PLA2R1: variants seen among roughly 807,000 people sequenced by gnomAD.
The protein encoded by PLA2R1 is phospholipase A2 receptor 1.
In PLA2R1, 158 loss-of-function variants were observed where a neutral mutation model predicts 195.9. The ratio of observed to expected loss-of-function variants is 0.81; its 90% CI spans 0.71 to 0.92. The LOEUF (loss-of-function observed/expected upper bound fraction) is 0.92. PLA2R1 is among the 40% of genes least tolerant of loss of function. The probability of loss-of-function intolerance (pLI) is 0.00; values close to 1 mark genes in which losing one functional copy is unlikely to be tolerated. For missense variants in PLA2R1, 1,626 were observed against 1,764.6 expected (o/e 0.92, Z 1.41); for synonymous variants, 586 against 598.2 (o/e 0.98, Z 0.30).
At chr2:159,990,469 T>C (rs1239558654) in intron 11 of PLA2R1, among the ~76,000 whole-genome samples, 2 of 152,178 alleles carry the variant, frequency 1.3e-5, no homozygotes, top group South Asian at 4.1e-4. Context: ...AACAAACCCA[T>C]TGACCAAAAC....
At chr2:159,930,407 C>CAA (rs11389351), downstream of PLA2R1, among the ~76,000 whole-genome samples, 394 of 115,520 alleles carry the variant, frequency 3.4e-3, no homozygotes, top group East Asian at 0.017. Context: ...GACTCCGTCT[C>CAA]AAAAAAAAAA....
At chr2:160,047,562 T>C (rs976354566) in intron 1 of PLA2R1, among the ~76,000 whole-genome samples, 3 of 152,222 alleles carry the variant, frequency 2.0e-5, no homozygotes, top group African/African-American at 7.2e-5. Flanking sequence ...CGCTATCATC[T>C]TTTATGGAGG....
rs184907347 is a variant in PLA2R1, at chr2:159,998,746, T to C, written c.1834+6906A>G. On this transcript the variant is annotated intron_variant, in intron 11 of 29. Transcript: ENST00000283243. ...AGTTGCCCCATATATTTCCTCCTGC[T>C]GAGAAAATTCTTTTTACTTCTTTAA... 5.1e-3 allele frequency among the ~76,000 whole-genome samples: 777 copies of C among 152,252 alleles called. 5 individuals are homozygous for C. The highest frequency in any genetic ancestry group is 8.1e-3 in the Non-Finnish European group (554 of 68,006).
chr2:160,027,970 T>A (rs1168078981), intron 6 of PLA2R1, among the ~76,000 whole-genome samples: 2 of 152,228 alleles, frequency 1.3e-5, no homozygotes, highest in Non-Finnish European at 2.9e-5. Flanking sequence ...GCAAATTTTT[T>A]AAAAGAGAAG....
At chr2:160,000,393 A>T (rs116366652) in intron 11 of PLA2R1, among the ~76,000 whole-genome samples, 10,563 of 152,274 alleles carry the variant, frequency 0.069, 529 homozygotes, top group Non-Finnish European at 0.11. Context: ...TATGTGTTCA[A>T]GAAAACCTCA....
intron 20 of PLA2R1, 109 bp downstream of exon 20, chr2:159,967,430 T>A: frequency 1.2e-6 from 1 of 801,276 alleles, no homozygotes; most frequent in Non-Finnish European, 1.9e-6. Context: ...AAATTCCAGG[T>A]CCTATGGACA....
intron 10 of PLA2R1, among the ~76,000 whole-genome samples, chr2:160,009,547 T>C (rs1187926788): frequency 2.6e-5 from 4 of 152,158 alleles, no homozygotes; most frequent in Non-Finnish European, 4.4e-5. Context: ...AATAGGCAGC[T>C]ATTGTTTAAT....
At position 160,062,471 on chromosome 2, in the gene PLA2R1, C is replaced by T. The variant is rs557730843; in HGVS notation, c.-68G>A. The T allele has an allele frequency of 1.9e-5, 27 of 1,458,624 alleles. No homozygotes were observed. The highest frequency in any genetic ancestry group is 4.9e-4 in the Middle Eastern group (2 of 4,122). 90.4% of individuals were successfully genotyped at this position (1,458,624 alleles called of 1,614,324 possible). A position where few individuals can be genotyped will look rare whatever the true frequency, so the allele number is the denominator to read the frequency against. On this transcript the variant is annotated 5_prime_UTR_variant, in exon 1 of 30. Coordinates refer to ENST00000283243, the MANE Select transcript of PLA2R1 (RefSeq NM_007366.5). ...CCCTTATCCCGGGAGCCCAGAGCCG[C>T]GTCCCAAGCACCCGGCCCCGCCGCG...
At position 159,958,851 on chromosome 2, in the gene PLA2R1, AAAAG is replaced by A. The variant is rs745608975; in HGVS notation, c.2905-2228_2905-2225del. Among the ~76,000 whole-genome samples the A allele has an allele frequency of 2.4e-4, 37 of 152,330 alleles. No individual in the cohort carries two copies. The East Asian group carries it at 4.2e-3, about 17-fold the overall frequency. On this transcript the variant is annotated intron_variant, in intron 20 of 29. Transcript: ENST00000283243. Reference sequence around the variant, plus strand: ...AAAGCACAGGTCAGGTCAGTCTTTCAAAAGAAAGAATTATCTGACCCCAAATGTC... The same window carrying A: ...AAAGCACAGGTCAGGTCAGTCTTTCAAAAGAATTATCTGACCCCAAATGTC...
At position 159,955,269 on chromosome 2, in the gene PLA2R1, A is replaced by G; in HGVS notation, c.3231T>C (p.His1077=). Residue 1077 remains histidine (H), a synonymous_variant, in exon 23 of 30, where the codon CAT becomes CAC. Coordinates refer to ENST00000283243, the MANE Select transcript of PLA2R1 (RefSeq NM_007366.5). ...CTTCAAAATACCATTTTCCAGTGAA[A>G]TGAAAATTAGGATTACTTGAGAGTA... ...CALLSSNPNF[H]FTGKWYFEDC... is the part of the protein sequence containing the mutation. The G allele has an allele frequency of 3.1e-6, 5 of 1,608,880 alleles. No homozygotes were observed. The highest frequency in any genetic ancestry group is 4.3e-6 in the Non-Finnish European group (5 of 1,175,526).
In PLA2R1 at chr2:159,933,663, C is replaced by T. The variant is rs970681454; in HGVS notation, c.*8115G>A. 2.0e-5 allele frequency: 3 copies of T among 152,166 alleles called. No individual in the cohort carries two copies. The highest frequency in any genetic ancestry group is 6.5e-5 in the Admixed American group (1 of 15,276). The allele number at this position is 152,166 out of a possible 1,614,324, so 9.4% of individuals were successfully genotyped here. On this transcript the variant is annotated 3_prime_UTR_variant, in exon 30 of 30. Coordinates refer to ENST00000283243, the MANE Select transcript of PLA2R1 (RefSeq NM_007366.5). ...GTATTTATAGCCTCTGAGCACAGGACACTCTCTGGGCCACAATAGGCTCTA... is the reference window on the plus strand; with the variant it reads ...GTATTTATAGCCTCTGAGCACAGGATACTCTCTGGGCCACAATAGGCTCTA...
At chr2:160,025,605 A>AAAAAAAAC in intron 6 of PLA2R1, among the ~76,000 whole-genome samples, 1 of 150,120 alleles carries the variant, frequency 6.7e-6, no homozygotes, top group Non-Finnish European at 1.5e-5. Context: ...AAAAAAAAAA[A>AAAAAAAAC]AAAAACTATA....
At chr2:159,944,790 G>C (rs759921846) in intron 28 of PLA2R1, 116 bp downstream of exon 28, 3 of 737,510 alleles carry the variant, frequency 4.1e-6, no homozygotes, top group Non-Finnish European at 6.9e-6. Context: ...AATAATGTCA[G>C]AATCTATCTG....
intron 1 of PLA2R1, among the ~76,000 whole-genome samples, chr2:160,055,275 CA>C (rs1695462841): frequency 6.6e-6 from 1 of 152,132 alleles, no homozygotes; most frequent in Non-Finnish European, 1.5e-5. Context: ...CGAGGGATGA[CA>C]AACAGAAATG....
Position 159,976,094 on chromosome 2 carries a change from C to A in PLA2R1, c.2569G>T (p.Glu857Ter). The change falls in exon 17 of 30, where the codon GAA (glutamate) becomes TAA (stop). Residue 857 changes from glutamate to a stop codon, truncating the protein, a stop_gained. Coordinates refer to ENST00000283243, the MANE Select transcript of PLA2R1 (RefSeq NM_007366.5). LOFTEE classifies it high-confidence loss of function. ...LLTIHSAHEQ[E>*]FIHSKIKALS... ...GCTTTTATTTTGCTGTGGATGAATT[C>A]TTGCTCATGTGCAGAATGAATTGTG... 6.2e-7 allele frequency: 1 copy of A among 1,604,290 alleles called. No homozygotes were observed.
At position 159,937,551 on chromosome 2, in the gene PLA2R1, A is replaced by G. The variant is rs141412440; in HGVS notation, c.*4227T>C. ...TAATACTCATCCTCACAACTCACAT[A>G]GAAATCTAAGATAAATCAAGCCTTG... is the stretch of plus-strand genomic sequence containing the variant. On this transcript the variant is annotated 3_prime_UTR_variant, in exon 30 of 30. Coordinates refer to ENST00000283243, the MANE Select transcript of PLA2R1 (RefSeq NM_007366.5). 6.6e-6 allele frequency: 1 copy of G among 152,364 alleles called. No homozygotes were observed. Among genetic ancestry groups the G allele is most frequent in the African/African-American group, 2.4e-5 (1 of 41,596 alleles). 9.4% of individuals were successfully genotyped at this position (152,364 alleles called of 1,614,324 possible). A position where few individuals can be genotyped will look rare whatever the true frequency, so the allele number is the denominator to read the frequency against.
At chr2:160,047,720 GA>G (rs1286397221) in intron 1 of PLA2R1, among the ~76,000 whole-genome samples, 2 of 152,218 alleles carry the variant, frequency 1.3e-5, no homozygotes, top group African/African-American at 4.8e-5. Context: ...ATACGAAAGA[GA>G]AAAATACATG....
At chr2:160,023,377 T>C (rs1543063) in intron 6 of PLA2R1, among the ~76,000 whole-genome samples, 107,903 of 152,006 alleles carry the variant, frequency 0.71, 38,694 homozygotes, top group East Asian at 0.87. Flanking sequence ...CCTCTGGTCA[T>C]CCTCGCTGCT....
At chr2:160,002,103 G>A (rs1336988381) in intron 11 of PLA2R1, among the ~76,000 whole-genome samples, 2 of 151,508 alleles carry the variant, frequency 1.3e-5, no homozygotes, top group African/African-American at 4.8e-5. Context: ...CAAACAAACC[G>A]TATTTCTTGA....
Sources: allele counts gnomAD v4.1 joint callset (sites outside exome capture counted in the v4.1 genomes callset), GRCh38; gene constraint gnomAD v4.1.1; transcripts MANE v1.5; gene names NCBI Gene and HGNC (gene_info 2026-07-23, HGNC 2026-07-21).